Variants in ERICH1 observed in about 807,000 individuals in gnomAD.
ERICH1 encodes the protein glutamate rich 1, also known as glutamate-rich protein 1.
Under a neutral mutation model 39.6 loss-of-function variants are expected in ERICH1, and 56 were observed. The observed-to-expected ratio is 1.41, with a 90% CI of 1.14 to 1.77. The LOEUF (loss-of-function observed/expected upper bound fraction) is 1.77. Ranked by LOEUF, ERICH1 falls within the 40% of genes most tolerant of loss-of-function variation. ERICH1 has a pLI of 0.00. For missense variants in ERICH1, 826 were observed against 575.4 expected (o/e 1.44, Z -4.45); for synonymous variants, 313 against 223.6 (o/e 1.40, Z -3.57).
intron 2 of ERICH1, among the ~76,000 whole-genome samples, chr8:713,485 T>A (rs1815233497): frequency 6.6e-6 from 1 of 152,210 alleles, no homozygotes; most frequent in Non-Finnish European, 1.5e-5. Context: ...GGGAAAAGCA[T>A]GCTTAGTGTA....
chr8:627,341 G>C lies in ERICH1; in HGVS notation c.977-12057C>G, dbSNP rs558659189. On this transcript the variant is annotated intron_variant, in intron 3 of 3. Coordinates refer to the ERICH1 transcript ENST00000522706. ...GGGCTTGAGTGAATGACAGCTCCTTGTCTCCCATTCCTGGACAGGAAAAGT... is the reference window on the plus strand; with the variant it reads ...GGGCTTGAGTGAATGACAGCTCCTTCTCTCCCATTCCTGGACAGGAAAAGT... 15 of 401,536 alleles carry C rather than the reference G, an allele frequency of 3.7e-5. No homozygotes were observed. The East Asian group carries it at 1.0e-3, about 28-fold the overall frequency. 24.9% of individuals were successfully genotyped at this position (401,536 alleles called of 1,614,324 possible).
intron 3 of ERICH1, among the ~76,000 whole-genome samples, chr8:679,508 A>T (rs2131936429): frequency 6.6e-6 from 1 of 151,576 alleles, no homozygotes; most frequent in African/African-American, 2.4e-5. Context: ...CACTCCCCTG[A>T]CAAGGGCATT....
chr8:697,750 G>C (rs953196440), intron 2 of ERICH1, among the ~76,000 whole-genome samples: 13 of 151,510 alleles, frequency 8.6e-5, no homozygotes, highest in African/African-American at 2.9e-4. Context: ...AGGGACTTCA[G>C]CTGTCAGCAC....
chr8:630,148 T>A (rs1410969780), intron 3 of ERICH1, among the ~76,000 whole-genome samples: 2 of 110,612 alleles, frequency 1.8e-5, no homozygotes, highest in African/African-American at 8.0e-5. Flanking sequence ...ACTCACACCC[T>A]CCCGTGACCA....
rs1406026902 is a variant in ERICH1 at position 644,947 on chromosome 8, G to A, written c.976+23651C>T. 2.9e-5 allele frequency among the ~76,000 whole-genome samples: 2 copies of A among 69,274 alleles called. 1 individual carries two copies. Among genetic ancestry groups the A allele is most frequent in the Non-Finnish European group, 9.1e-5 (2 of 22,014 alleles). 45.4% of individuals were successfully genotyped at this position (69,274 alleles called of 152,430 possible). A position where few individuals can be genotyped will look rare whatever the true frequency, so the allele number is the denominator to read the frequency against. On this transcript the variant is annotated intron_variant, in intron 3 of 3. Transcript: ENST00000522706. ...GAACACACTGTCTGTTCTCTCAGAG[G>A]CAGGAGCTACGGGGCCCAGGACCAG...
intron 3 of ERICH1, among the ~76,000 whole-genome samples, chr8:629,170 G>T (rs1797769421): frequency 6.6e-6 from 1 of 152,088 alleles, no homozygotes; most frequent in Non-Finnish European, 1.5e-5. Flanking sequence ...TGATCATACG[G>T]TCCCACCCAG....
intron 1 of ERICH1, among the ~76,000 whole-genome samples, chr8:727,555 C>G (rs1027643531): frequency 6.6e-6 from 1 of 152,222 alleles, no homozygotes; most frequent in Non-Finnish European, 1.5e-5. Context: ...GATGCACCTG[C>G]AAGGGCGAGT....
chr8:619,332 G>A (rs886340843), intron 3 of ERICH1, among the ~76,000 whole-genome samples: 1 of 151,982 alleles, frequency 6.6e-6, no homozygotes, highest in Admixed American at 6.6e-5. Context: ...TCACACAAGG[G>A]GATTCTGTAG....
At chr8:626,901 T>G (rs1797620853) in intron 3 of ERICH1, 1 of 318,238 alleles carries the variant, frequency 3.1e-6, no homozygotes, top group African/African-American at 2.2e-5. Flanking sequence ...CTGTTCATTC[T>G]TGCCTAGAGT....
chr8:708,086 AC>A (rs1813720171), intron 2 of ERICH1, among the ~76,000 whole-genome samples: 1 of 151,982 alleles, frequency 6.6e-6, no homozygotes, highest in Admixed American at 6.6e-5. Context: ...ACAATGAGAT[AC>A]CACTTCACAC....
intron 1 of ERICH1, among the ~76,000 whole-genome samples, chr8:718,847 G>A (rs112540453): frequency 5.0e-4 from 76 of 152,336 alleles, no homozygotes; most frequent in African/African-American, 1.4e-3. Context: ...GGTGCCACAC[G>A]AGCAGATTCG....
At chr8:638,583 C>T (rs1043809579) in intron 3 of ERICH1, among the ~76,000 whole-genome samples, 8 of 152,104 alleles carry the variant, frequency 5.3e-5, no homozygotes, top group African/African-American at 1.2e-4. Context: ...GGCAGGATCT[C>T]GCTTAAATAC....
At chr8:720,061 G>C (rs1037275364) in intron 1 of ERICH1, among the ~76,000 whole-genome samples, 2 of 152,184 alleles carry the variant, frequency 1.3e-5, no homozygotes, top group African/African-American at 4.8e-5. Flanking sequence ...CGCGGCCCTA[G>C]ACGTGCACCT....
intron 4 of ERICH1, 138 bp from the exon 5 acceptor site, chr8:668,930 CA>C: frequency 1.3e-6 from 1 of 768,810 alleles, no homozygotes; most frequent in Non-Finnish European, 2.0e-6. Flanking sequence ...GAGAAGCTAC[CA>C]GAAGAGAGAA....
chr8:684,981 CAT>C (rs756416360), intron 3 of ERICH1, among the ~76,000 whole-genome samples: 118 of 152,340 alleles, frequency 7.7e-4, no homozygotes, highest in Non-Finnish European at 1.4e-3. Flanking sequence ...TTCCACTGTG[CAT>C]ACATTGTCAT....
intron 1 of ERICH1, among the ~76,000 whole-genome samples, chr8:727,983 G>A (rs1819171139): frequency 6.6e-6 from 1 of 152,194 alleles, no homozygotes; most frequent in African/African-American, 2.4e-5. Flanking sequence ...GGGAGACAGG[G>A]AGCGGCCGGA....
intron 3 of ERICH1, among the ~76,000 whole-genome samples, chr8:623,514 G>T (rs928800112): frequency 6.6e-6 from 1 of 152,094 alleles, no homozygotes; most frequent in African/African-American, 2.4e-5. Flanking sequence ...GTTTATTGAG[G>T]TATCAATGAT....
At chr8:624,912 G>C (rs568067405) in intron 3 of ERICH1, among the ~76,000 whole-genome samples, 2 of 152,086 alleles carry the variant, frequency 1.3e-5, no homozygotes, top group East Asian at 3.9e-4. Context: ...ATTTTTAGTA[G>C]AGACGGGGTT....
chr8:685,992 CAAAA>C (rs33933491), intron 3 of ERICH1, among the ~76,000 whole-genome samples: 3 of 128,464 alleles, frequency 2.3e-5, no homozygotes, highest in Non-Finnish European at 1.6e-5. Flanking sequence ...TAAAAAATAC[CAAAA>C]AAAAAAAAAA....
Sources: allele counts gnomAD v4.1 joint callset (sites outside exome capture counted in the v4.1 genomes callset), GRCh38; gene constraint gnomAD v4.1.1; transcripts MANE v1.5; gene names NCBI Gene and HGNC (gene_info 2026-07-23, HGNC 2026-07-21).